The following GRIK2 variants were observed in gnomAD, a reference collection of about 807,000 sequenced individuals.
GRIK2 encodes glutamate ionotropic receptor kainate type subunit 2.
A neutral mutation model predicts 100.3 loss-of-function variants in GRIK2; 32 were observed. The ratio of observed to expected loss-of-function variants is 0.32; its 90% CI spans 0.24 to 0.43. The LOEUF is 0.43. GRIK2 is among the 20% of genes least tolerant of loss of function. The pLI is 1.00. For synonymous variants in GRIK2, 417 were observed against 389.4 expected (o/e 1.07, Z -0.83); for missense variants, 843 against 1,114.9 (o/e 0.76, Z 3.47).
intron 2 of GRIK2, among the ~76,000 whole-genome samples, chr6:101,428,028 C>T (rs780322592): frequency 6.6e-6 from 1 of 152,128 alleles, no homozygotes; most frequent in African/African-American, 2.4e-5. Context: ...TTAACACATC[C>T]TGCTATTAGA....
chr6:101,755,058 G>GA (rs1193512036), intron 7 of GRIK2, among the ~76,000 whole-genome samples: 2 of 151,636 alleles, frequency 1.3e-5, no homozygotes, highest in Non-Finnish European at 2.9e-5. Context: ...GGTTGATCCT[G>GA]AAAGCAAGGA....
At chr6:101,799,457 G>A (rs1011402267) in intron 7 of GRIK2, among the ~76,000 whole-genome samples, 191 bp from the exon 8 acceptor site, 1 of 152,054 alleles carries the variant, frequency 6.6e-6, no homozygotes, top group African/African-American at 2.4e-5. Context: ...TTATGGAGCT[G>A]ATGTAGTAAT....
At chr6:101,737,969 G>T (rs1037975455) in intron 7 of GRIK2, among the ~76,000 whole-genome samples, 3 of 152,090 alleles carry the variant, frequency 2.0e-5, no homozygotes, top group African/African-American at 7.2e-5. Flanking sequence ...GGAGGCAAAT[G>T]AATTATTGAC....
intron 7 of GRIK2, among the ~76,000 whole-genome samples, chr6:101,746,092 A>G (rs1776404706): frequency 6.6e-6 from 1 of 152,204 alleles, no homozygotes; most frequent in Non-Finnish European, 1.5e-5. Flanking sequence ...TTAAATTGCC[A>G]GCCAGCTAGG....
chr6:101,587,844 C>T (rs557643099), intron 2 of GRIK2, among the ~76,000 whole-genome samples: 1 of 152,124 alleles, frequency 6.6e-6, no homozygotes, highest in South Asian at 2.1e-4. Context: ...GGTTTCTATG[C>T]ACAGACACTC....
At chr6:101,979,852 G>A (rs896911613) in intron 14 of GRIK2, among the ~76,000 whole-genome samples, 14 of 152,028 alleles carry the variant, frequency 9.2e-5, no homozygotes, top group Non-Finnish European at 1.6e-4. Context: ...GTGCAGCAGC[G>A]AGCGCTTAGT....
At chr6:101,550,466 T>C (rs1409026581) in intron 2 of GRIK2, among the ~76,000 whole-genome samples, 1 of 152,212 alleles carries the variant, frequency 6.6e-6, no homozygotes, top group East Asian at 1.9e-4. Flanking sequence ...TTTAATTATG[T>C]CTATTGTTCA....
intron 10 of GRIK2, among the ~76,000 whole-genome samples, chr6:101,829,693 C>T (rs779682860): frequency 1.1e-4 from 17 of 151,522 alleles, no homozygotes; most frequent in South Asian, 2.1e-4. Context: ...TTAAAAAATG[C>T]GAAATGTCTT....
At chr6:101,669,845 T>A (rs187077244) in intron 4 of GRIK2, among the ~76,000 whole-genome samples, 5 of 152,222 alleles carry the variant, frequency 3.3e-5, no homozygotes, top group Admixed American at 2.0e-4. Flanking sequence ...ATAATGGAAT[T>A]CAGAGACTTG....
intron 11 of GRIK2, among the ~76,000 whole-genome samples, chr6:101,862,113 G>T (rs1297181122): frequency 6.6e-6 from 1 of 152,078 alleles, no homozygotes; most frequent in Non-Finnish European, 1.5e-5. Flanking sequence ...TTGCAAAAGG[G>T]TCTGTTCAGA....
At chr6:101,866,396 T>C (rs925916299) in intron 11 of GRIK2, among the ~76,000 whole-genome samples, 1 of 152,226 alleles carries the variant, frequency 6.6e-6, no homozygotes, top group Non-Finnish European at 1.5e-5. Context: ...TATTTCACAT[T>C]GCATGCCTGT....
intron 7 of GRIK2, among the ~76,000 whole-genome samples, chr6:101,739,907 C>T (rs1775912860): frequency 1.3e-5 from 2 of 151,988 alleles, no homozygotes; most frequent in South Asian, 4.1e-4. Context: ...GGTTTTGGAG[C>T]AGGGATTTTT....
At chr6:101,652,503 T>C (rs182559273) in intron 4 of GRIK2, among the ~76,000 whole-genome samples, 1 of 152,222 alleles carries the variant, frequency 6.6e-6, no homozygotes, top group Admixed American at 6.6e-5. Context: ...CCTGAACTAA[T>C]TAAGGCGGGG....
In GRIK2 at chr6:101,928,618, A is replaced by G; in HGVS notation, c.2071A>G (p.Met691Val). Residue 691 changes from methionine to valine, a missense_variant, in exon 14 of 17, where the codon ATG becomes GTG. Transcript: ENST00000369134. The stretch of plus-strand genomic sequence containing the variant: ...TGGAGCAGTAGAGGATGGTGCAACC[A>G]TGACTTTTTTCAAGGTAAGTTCTGC... ...EYGAVEDGATMTFFKKSKIST... is the reference protein window; with the variant it reads ...EYGAVEDGATVTFFKKSKIST... 1 of 1,576,530 alleles carries G rather than the reference A, an allele frequency of 6.3e-7. No homozygotes were observed. Among genetic ancestry groups the G allele is most frequent in the Middle Eastern group, 1.7e-4 (1 of 5,984 alleles).
chr6:101,566,271 G>T (rs1438406029), intron 2 of GRIK2, among the ~76,000 whole-genome samples: 3 of 151,998 alleles, frequency 2.0e-5, no homozygotes, highest in African/African-American at 7.2e-5. Context: ...ATGAAAACAT[G>T]TAGTGTATAT....
chr6:101,647,839 G>A (rs1032865434), intron 4 of GRIK2, among the ~76,000 whole-genome samples: 2 of 152,006 alleles, frequency 1.3e-5, no homozygotes, highest in African/African-American at 4.8e-5. Context: ...GGAAGCAGAA[G>A]GCAACATTAC....
intron 7 of GRIK2, among the ~76,000 whole-genome samples, chr6:101,757,085 AT>A (rs1321381715): frequency 2.0e-5 from 3 of 152,152 alleles, no homozygotes; most frequent in African/African-American, 7.2e-5. Flanking sequence ...AATGGGACAT[AT>A]ATGGTTAGCA....
At chr6:101,538,956 A>G (rs1038947701) in intron 2 of GRIK2, among the ~76,000 whole-genome samples, 1 of 151,666 alleles carries the variant, frequency 6.6e-6, no homozygotes, top group African/African-American at 2.4e-5. Flanking sequence ...TAAATGTGTT[A>G]TTATTATAAT....
chr6:101,812,754 T>C (rs1290561046), intron 9 of GRIK2, among the ~76,000 whole-genome samples: 1 of 152,006 alleles, frequency 6.6e-6, no homozygotes, highest in Admixed American at 6.6e-5. Flanking sequence ...TAATAAACGA[T>C]CATCCATTAC....
Sources: allele counts gnomAD v4.1 joint callset (sites outside exome capture counted in the v4.1 genomes callset), GRCh38; gene constraint gnomAD v4.1.1; transcripts MANE v1.5; gene names NCBI Gene and HGNC (gene_info 2026-07-23, HGNC 2026-07-21).